Variants in OTOGL observed in about 807,000 individuals in gnomAD.
The protein encoded by OTOGL is otogelin-like protein.
In OTOGL, 285 loss-of-function variants were observed where a neutral mutation model predicts 318.5. That is an observed-to-expected ratio of 0.89 (90% CI 0.81 to 0.99). OTOGL has a LOEUF of 0.99. OTOGL is among the 50% of genes least tolerant of loss of function. The probability of loss-of-function intolerance (pLI) is 0.00; values close to 1 mark genes in which losing one functional copy is unlikely to be tolerated. For synonymous variants in OTOGL, 987 were observed against 936.5 expected, an observed-to-expected ratio of 1.05 and a Z score of -0.99; for missense variants, 2,899 against 2,845.6, an observed-to-expected ratio of 1.02 and a Z score of -0.43.
At chr12:80,362,704 G>A (rs1047265268) in intron 52 of OTOGL, among the ~76,000 whole-genome samples, 1 of 152,124 alleles carries the variant, frequency 6.6e-6, no homozygotes, top group Non-Finnish European at 1.5e-5. Flanking sequence ...TTATGAAGAA[G>A]TTTCCAGAGA....
intron 6 of OTOGL, 40 bp downstream of exon 6, chr12:80,219,952 C>G: frequency 7.1e-7 from 1 of 1,403,314 alleles, no homozygotes; most frequent in Non-Finnish European, 9.8e-7. Context: ...TATGAGATAC[C>G]AAGGAGAAAA....
intron 1 of OTOGL, among the ~76,000 whole-genome samples, chr12:80,099,992 C>T (rs1056098958): frequency 6.6e-6 from 1 of 152,136 alleles, no homozygotes; most frequent in Non-Finnish European, 1.5e-5. Flanking sequence ...GGAAATAATT[C>T]ATTAACTGAA....
chr12:80,203,089 T>C (rs1315344786), intron 1 of OTOGL, among the ~76,000 whole-genome samples: 2 of 152,154 alleles, frequency 1.3e-5, no homozygotes, highest in African/African-American at 4.8e-5. Flanking sequence ...GTGGCCAGAG[T>C]GTGAATGCAT....
At chr12:80,210,960 A>G (rs2137310669) in intron 3 of OTOGL, 74 bp downstream of exon 3, 1 of 1,004,092 alleles carries the variant, frequency 1.0e-6, no homozygotes, top group Non-Finnish European at 1.3e-6. Flanking sequence ...GCAGGCAACT[A>G]TATCTGCTTT....
intron 30 of OTOGL, among the ~76,000 whole-genome samples, chr12:80,311,811 T>C (rs1235547395): frequency 6.6e-6 from 1 of 152,248 alleles, no homozygotes; most frequent in Non-Finnish European, 1.5e-5. Context: ...ATTAGAGTTT[T>C]GTAAAAGTTA....
intron 26 of OTOGL, among the ~76,000 whole-genome samples, chr12:80,293,657 C>CT (rs199604914): frequency 4.7e-3 from 687 of 145,120 alleles, no homozygotes; most frequent in Middle Eastern, 7.2e-3. Context: ...ATATGTTCAG[C>CT]TTTTTTTTTT....
chr12:80,114,469 T>G (rs1870037314), intron 1 of OTOGL, among the ~76,000 whole-genome samples: 4 of 152,232 alleles, frequency 2.6e-5, no homozygotes, highest in Non-Finnish European at 5.9e-5. Flanking sequence ...GTAGGGTTTC[T>G]GCCAAGAGAT....
intron 1 of OTOGL, among the ~76,000 whole-genome samples, chr12:80,165,628 G>A (rs1399497676): frequency 1.3e-5 from 2 of 152,206 alleles, no homozygotes; most frequent in East Asian, 1.9e-4. Context: ...CACCAGTAAG[G>A]GGGAAGAGAG....
intron 29 of OTOGL, 65 bp from the exon 30 acceptor site, chr12:80,310,546 A>G (rs1886561407): frequency 9.3e-7 from 1 of 1,076,350 alleles, no homozygotes; most frequent in African/African-American, 1.6e-5. Context: ...GAAGTTGGGT[A>G]GGTTACTCTG....
At chr12:80,229,512 A>G in intron 8 of OTOGL, 134 bp downstream of exon 8, 3 of 1,248,914 alleles carry the variant, frequency 2.4e-6, no homozygotes, top group Non-Finnish European at 3.3e-6. Context: ...GCTATAACAT[A>G]CAGACATCAA....
intron 11 of OTOGL, among the ~76,000 whole-genome samples, chr12:80,248,902 C>A (rs1592604256): frequency 1.3e-5 from 2 of 148,664 alleles, no homozygotes; most frequent in African/African-American, 5.1e-5. Flanking sequence ...CTTCTCACTT[C>A]ATTTCATTCA....
intron 27 of OTOGL, among the ~76,000 whole-genome samples, chr12:80,298,579 G>A (rs977855945): frequency 3.0e-4 from 45 of 152,178 alleles, no homozygotes; most frequent in African/African-American, 9.9e-4. Context: ...TTTGCACTGA[G>A]TCTTAAAGGA....
At chr12:80,353,267 C>A in intron 45 of OTOGL, 58 bp from the exon 46 acceptor site, 1 of 1,202,206 alleles carries the variant, frequency 8.3e-7, no homozygotes, top group Non-Finnish European at 1.1e-6. Context: ...CTTTCTTTTA[C>A]TAGAATTTAA....
intron 33 of OTOGL, among the ~76,000 whole-genome samples, chr12:80,319,435 C>G (rs1381816466): frequency 3.3e-5 from 5 of 152,140 alleles, no homozygotes; most frequent in African/African-American, 9.7e-5. Flanking sequence ...TCTGAGAATG[C>G]TCACAATTCT....
At position 80,239,396 on chromosome 12, in the gene OTOGL, G is replaced by T; in HGVS notation, c.1009G>T (p.Asp337Tyr). The T allele has an allele frequency of 1.2e-6, 2 of 1,608,826 alleles. No homozygotes were observed. The highest frequency in any genetic ancestry group is 1.1e-5 in the South Asian group (1 of 90,390). The change falls in exon 11 of 59, where the codon GAT (aspartate) becomes TAT (tyrosine). Residue 337 changes from aspartate (D) to tyrosine (Y), a missense_variant. Coordinates refer to ENST00000547103, the MANE Select transcript of OTOGL (RefSeq NM_001378609.3). Reference protein sequence around the residue: ...FPFLSCHEYIDPYLYIASCVN... With the variant: ...FPFLSCHEYIYPYLYIASCVN... ...TTTTCTGAGCTGCCATGAGTATATCGATCCATACTTATATATTGCCAGCTG... is the reference window on the plus strand; with the variant it reads ...TTTTCTGAGCTGCCATGAGTATATCTATCCATACTTATATATTGCCAGCTG...
intron 1 of OTOGL, among the ~76,000 whole-genome samples, chr12:80,194,096 G>T (rs764021223): frequency 4.6e-5 from 7 of 152,176 alleles, no homozygotes; most frequent in Non-Finnish European, 8.8e-5. Context: ...ATCTTGGAAA[G>T]CTAATAAAGG....
intron 6 of OTOGL, 25 bp downstream of exon 6, chr12:80,219,937 A>G (rs759772818): frequency 2.0e-6 from 3 of 1,478,312 alleles, no homozygotes; most frequent in East Asian, 2.3e-5. Flanking sequence ...TGCTTGTGAG[A>G]TAATTATGAG....
Position 80,214,199 on chromosome 12 carries a change from A to C in OTOGL, c.168+2202A>C, listed in dbSNP as rs75522882. On this transcript the variant is annotated intron_variant, in intron 4 of 58. Coordinates refer to ENST00000547103, the MANE Select transcript of OTOGL (RefSeq NM_001378609.3). Reference sequence around the variant, plus strand: ...GTTCCTTTCCTGAAAGCAGGCCCTAAGACATAGACTTAGGTGCAGGTCATT... The same window carrying C: ...GTTCCTTTCCTGAAAGCAGGCCCTACGACATAGACTTAGGTGCAGGTCATT... 5.5e-3 allele frequency among the ~76,000 whole-genome samples: 835 copies of C among 152,346 alleles called. 10 individuals carry two copies. Among genetic ancestry groups the C allele is most frequent in the African/African-American group, 0.019 (793 of 41,576 alleles).
intron 38 of OTOGL, among the ~76,000 whole-genome samples, chr12:80,333,568 G>C (rs1363518236): frequency 6.6e-6 from 1 of 151,738 alleles, no homozygotes; most frequent in East Asian, 1.9e-4. Flanking sequence ...CACCATTTCT[G>C]GCCAGGCACT....
Sources: gnomAD v4.1 joint callset for allele counts (sites outside exome capture counted in the v4.1 genomes callset) on GRCh38, gnomAD v4.1.1 for gene constraint, MANE v1.5 for transcripts, NCBI Gene and HGNC (gene_info 2026-07-23, HGNC 2026-07-21) for gene names.